The following CDH13 variants were observed in gnomAD, a reference collection of about 807,000 sequenced individuals.
CDH13 encodes the protein cadherin 13.
A neutral mutation model predicts 63.8 loss-of-function variants in CDH13; 24 were observed. That is an observed-to-expected ratio of 0.38 (90% CI 0.27 to 0.53). CDH13 has a LOEUF of 0.53. CDH13 is among the 20% of genes least tolerant of loss of function. The pLI is 0.85. For missense variants in CDH13, 1,049 were observed against 903.1 expected (o/e 1.16, Z -2.07); for synonymous variants, 503 against 355.3 (o/e 1.42, Z -4.67).
chr16:82,878,454 A>G, intron 2 of CDH13, among the ~76,000 whole-genome samples: 1 of 142,732 alleles, frequency 7.0e-6, no homozygotes, highest in Non-Finnish European at 1.5e-5. Flanking sequence ...AGAAAGTCAC[A>G]CAGATACATT....
chr16:83,256,634 A>G (rs1355792642), intron 5 of CDH13, among the ~76,000 whole-genome samples: 2 of 146,226 alleles, frequency 1.4e-5, no homozygotes, highest in African/African-American at 5.1e-5. Flanking sequence ...GATGGAGGCC[A>G]TCCTGGCTAA....
intron 2 of CDH13, among the ~76,000 whole-genome samples, chr16:82,891,244 C>A (rs1025034830): frequency 3.3e-5 from 5 of 152,090 alleles, no homozygotes; most frequent in Non-Finnish European, 5.9e-5. Context: ...CTGTATCTCT[C>A]CCTTGGGGAC....
intron 3 of CDH13, among the ~76,000 whole-genome samples, chr16:83,083,941 G>T (rs375567671): frequency 6.6e-6 from 1 of 152,168 alleles, no homozygotes; most frequent in Non-Finnish European, 1.5e-5. Context: ...TCACTATCTC[G>T]TTAATAACCC....
chr16:82,849,592 T>C (rs1214565176), intron 1 of CDH13, among the ~76,000 whole-genome samples: 2 of 152,228 alleles, frequency 1.3e-5, no homozygotes, highest in Non-Finnish European at 2.9e-5. Flanking sequence ...CTAGCTAAGA[T>C]CATTGATGAA....
intron 1 of CDH13, among the ~76,000 whole-genome samples, chr16:82,822,360 A>G (rs746441354): frequency 1.3e-5 from 2 of 152,230 alleles, no homozygotes; most frequent in South Asian, 4.1e-4. Flanking sequence ...TTTAAGGTAG[A>G]AAAAGTAAGA....
chr16:82,878,964 G>C (rs1014717982), intron 2 of CDH13, among the ~76,000 whole-genome samples: 1 of 152,056 alleles, frequency 6.6e-6, no homozygotes, highest in African/African-American at 2.4e-5. Flanking sequence ...GTTTTCTTGA[G>C]TTTCCCTGTT....
chr16:82,960,840 C>T (rs935800871), intron 2 of CDH13, among the ~76,000 whole-genome samples: 1 of 151,996 alleles, frequency 6.6e-6, no homozygotes, highest in Non-Finnish European at 1.5e-5. Flanking sequence ...ATTGTTAATA[C>T]AAATAAGTCT....
intron 4 of CDH13, among the ~76,000 whole-genome samples, chr16:83,168,514 TAA>T (rs2037784779): frequency 6.6e-6 from 1 of 152,086 alleles, no homozygotes; most frequent in South Asian, 2.1e-4. Context: ...CAACTTTACC[TAA>T]CTTCTCCAAA....
intron 2 of CDH13, among the ~76,000 whole-genome samples, chr16:82,938,102 A>G (rs2042724924): frequency 6.6e-6 from 1 of 152,236 alleles, no homozygotes; most frequent in Non-Finnish European, 1.5e-5. Context: ...CGGAAAGATA[A>G]TACTTTTTCC....
intron 10 of CDH13, among the ~76,000 whole-genome samples, chr16:83,747,419 C>A (rs1311153878): frequency 6.6e-6 from 1 of 152,090 alleles, no homozygotes; most frequent in African/African-American, 2.4e-5. Context: ...GTAAGACATG[C>A]CTTTCACCTT....
At chr16:83,007,824 C>CAAAA (rs563773010) in intron 2 of CDH13, among the ~76,000 whole-genome samples, 6 of 125,078 alleles carry the variant, frequency 4.8e-5, no homozygotes, top group East Asian at 2.3e-4. Flanking sequence ...ACGACTCTGT[C>CAAAA]AAAAAAAAAA....
At chr16:83,144,717 C>A (rs1019631171) in intron 4 of CDH13, among the ~76,000 whole-genome samples, 32 of 152,332 alleles carry the variant, frequency 2.1e-4, no homozygotes, top group African/African-American at 7.7e-4. Flanking sequence ...GAAAAAATCA[C>A]ATAAGAGTCC....
chr16:83,513,427 G>A (rs1010151499), intron 7 of CDH13, among the ~76,000 whole-genome samples: 6 of 152,266 alleles, frequency 3.9e-5, no homozygotes. Flanking sequence ...CCTGTAGTTA[G>A]CATATTAGTT....
chr16:83,034,232 A>T (rs568515127), intron 3 of CDH13, among the ~76,000 whole-genome samples: 1 of 152,154 alleles, frequency 6.6e-6, no homozygotes, highest in Non-Finnish European at 1.5e-5. Flanking sequence ...TCTCACTGCA[A>T]TGCTTCTGGA....
At chr16:82,856,806 T>C (rs1254070756) in intron 1 of CDH13, among the ~76,000 whole-genome samples, 1 of 149,420 alleles carries the variant, frequency 6.7e-6, no homozygotes, top group Middle Eastern at 3.6e-3. Context: ...AGGTAATGAA[T>C]GTGAGTTATC....
intron 5 of CDH13, among the ~76,000 whole-genome samples, chr16:83,248,634 C>T (rs1160358092): frequency 6.6e-6 from 1 of 152,160 alleles, no homozygotes; most frequent in Non-Finnish European, 1.5e-5. Flanking sequence ...TACTTTTCCC[C>T]TAAAGGTGTA....
intron 6 of CDH13, among the ~76,000 whole-genome samples, chr16:83,429,293 C>A (rs577015609): frequency 6.6e-6 from 1 of 152,102 alleles, no homozygotes; most frequent in Non-Finnish European, 1.5e-5. Context: ...CACTCTTTGA[C>A]CAATCTCAAC....
chr16:83,596,479 G>A (rs1448376080), intron 7 of CDH13, among the ~76,000 whole-genome samples: 1 of 152,140 alleles, frequency 6.6e-6, no homozygotes, highest in African/African-American at 2.4e-5. Context: ...GTGGCCACTG[G>A]GATCTCTTTC....
At chr16:83,775,410 G>A (rs1208767245) in intron 11 of CDH13, among the ~76,000 whole-genome samples, 6 of 152,030 alleles carry the variant, frequency 3.9e-5, no homozygotes, top group Non-Finnish European at 7.3e-5. Context: ...TCATCTGTCA[G>A]CAGTCCTTAC....
Sources: gnomAD v4.1 joint callset for allele counts (sites outside exome capture counted in the v4.1 genomes callset) on GRCh38, gnomAD v4.1.1 for gene constraint, MANE v1.5 for transcripts, NCBI Gene and HGNC (gene_info 2026-07-23, HGNC 2026-07-21) for gene names.